PRKG1: variants seen among roughly 807,000 people sequenced by gnomAD.
The protein encoded by PRKG1 is cGMP-dependent protein kinase 1.
In PRKG1, 35 loss-of-function variants were observed where a neutral mutation model predicts 88.1. The observed-to-expected ratio is 0.40, with a 90% CI of 0.30 to 0.53. The LOEUF (loss-of-function observed/expected upper bound fraction) is 0.53, where lower values mean the gene tolerates loss of function less well. Among genes scored for constraint, PRKG1 ranks in the 20% least tolerant of loss-of-function variants. PRKG1 has a pLI of 0.59. For missense variants in PRKG1, 540 were observed against 839.8 expected (o/e 0.64, Z 4.41); for synonymous variants, 303 against 292.5 (o/e 1.04, Z -0.37).
intron 1 of PRKG1, among the ~76,000 whole-genome samples, chr10:51,151,124 C>T: frequency 1.1e-5 from 1 of 93,626 alleles, no homozygotes; most frequent in African/African-American, 4.2e-5. Context: ...TGGCCTCACT[C>T]TCTGACAAAA....
intron 1 of PRKG1, among the ~76,000 whole-genome samples, chr10:51,012,189 T>C (rs554069948): frequency 1.3e-5 from 2 of 152,256 alleles, no homozygotes; most frequent in South Asian, 2.1e-4. Context: ...AAGGAAGACA[T>C]GATTGCAAGT....
intron 2 of PRKG1, among the ~76,000 whole-genome samples, chr10:51,204,129 C>T (rs1837982728): frequency 6.6e-6 from 1 of 152,118 alleles, no homozygotes; most frequent in South Asian, 2.1e-4. Context: ...TTCATTTCCC[C>T]CTCTTTATAA....
At chr10:52,226,057 C>G (rs1215431987) in intron 9 of PRKG1, among the ~76,000 whole-genome samples, 1 of 146,982 alleles carries the variant, frequency 6.8e-6, no homozygotes, top group East Asian at 2.0e-4. Flanking sequence ...CTGTTTTGTC[C>G]ACTGTTCCAT....
At chr10:51,174,817 T>G (rs1837147102) in intron 2 of PRKG1, among the ~76,000 whole-genome samples, 1 of 152,068 alleles carries the variant, frequency 6.6e-6, no homozygotes, top group Non-Finnish European at 1.5e-5. Flanking sequence ...TCTGTTCAGC[T>G]GTGAAATTTC....
intron 2 of PRKG1, among the ~76,000 whole-genome samples, chr10:51,346,131 A>C (rs1842108225): frequency 6.6e-6 from 1 of 152,168 alleles, no homozygotes; most frequent in Admixed American, 6.6e-5. Context: ...GTTTGGTTTA[A>C]ATTAAACCCA....
At chr10:51,795,461 C>T (rs778124087) in intron 3 of PRKG1, among the ~76,000 whole-genome samples, 153 of 152,230 alleles carry the variant, frequency 1.0e-3, no homozygotes, top group Non-Finnish European at 1.7e-3. Context: ...GCAGTGGAGA[C>T]ATTGGCATGC....
Position 50,991,585 on chromosome 10 carries a change from G to C in PRKG1, c.207G>C (p.Gln69His). 6.3e-7 allele frequency: 1 copy of C among 1,598,498 alleles called. No individual in the cohort carries two copies. The highest frequency in any genetic ancestry group is 8.5e-7 in the Non-Finnish European group (1 of 1,173,498). Reference sequence around the variant, plus strand: ...CGCAGGGCATCTCGGCCGAGCCGCAGACGTACAGGTCCTTCCACGACCTCC... The same window carrying C: ...CGCAGGGCATCTCGGCCGAGCCGCACACGTACAGGTCCTTCCACGACCTCC... The change falls in exon 1 of 18, where the codon CAG becomes CAC. Residue 69 changes from glutamine (Q) to histidine (H), a missense_variant. Transcript: ENST00000401604. The surrounding 1 kb of genome is among the most constrained non-coding windows in gnomAD (Gnocchi z 4.5).
intron 1 of PRKG1, among the ~76,000 whole-genome samples, chr10:51,130,504 C>T (rs1159712031): frequency 6.6e-6 from 1 of 152,156 alleles, no homozygotes; most frequent in African/African-American, 2.4e-5. Context: ...TTATAGTTCC[C>T]TGAATACATC....
intron 3 of PRKG1, among the ~76,000 whole-genome samples, chr10:51,496,982 C>T (rs1215093395): frequency 6.6e-6 from 1 of 152,152 alleles, no homozygotes; most frequent in Non-Finnish European, 1.5e-5. Context: ...AGCAAAATGA[C>T]TTCAATAAGT....
intron 2 of PRKG1, among the ~76,000 whole-genome samples, chr10:51,310,940 A>G (rs1841168583): frequency 6.6e-6 from 1 of 152,204 alleles, no homozygotes; most frequent in African/African-American, 2.4e-5. Flanking sequence ...TGGAGTCACA[A>G]ATGGCTTCCC....
chr10:52,261,652 C>T (rs1020880439), intron 10 of PRKG1, among the ~76,000 whole-genome samples: 1 of 152,038 alleles, frequency 6.6e-6, no homozygotes, highest in African/African-American at 2.4e-5. Flanking sequence ...CTTGTGTATC[C>T]TATGAAACAA....
chr10:51,440,252 T>G (rs1281026970), intron 2 of PRKG1, among the ~76,000 whole-genome samples: 1 of 151,904 alleles, frequency 6.6e-6, no homozygotes, highest in African/African-American at 2.4e-5. Flanking sequence ...TATCTGGGTA[T>G]AGTATAAGTA....
chr10:51,318,400 A>G (rs1450820373), intron 2 of PRKG1, among the ~76,000 whole-genome samples: 5 of 152,232 alleles, frequency 3.3e-5, no homozygotes, highest in South Asian at 2.1e-4. Context: ...AACATTCAGC[A>G]TGGTGTCAAA....
At chr10:51,109,463 C>T (rs117314980) in intron 1 of PRKG1, among the ~76,000 whole-genome samples, 2,711 of 151,964 alleles carry the variant, frequency 0.018, 35 homozygotes, top group Middle Eastern at 0.031. Context: ...TTGACAAAAG[C>T]GCAAAGGCAA....
chr10:52,269,425 C>A (rs1841660406), intron 10 of PRKG1, among the ~76,000 whole-genome samples: 1 of 152,034 alleles, frequency 6.6e-6, no homozygotes, highest in Non-Finnish European at 1.5e-5. Flanking sequence ...TTCCCTCTAC[C>A]TGTCATACTG....
At chr10:51,211,970 A>C (rs1363191011) in intron 2 of PRKG1, among the ~76,000 whole-genome samples, 2 of 152,210 alleles carry the variant, frequency 1.3e-5, no homozygotes, top group African/African-American at 2.4e-5. Context: ...AACTACTTTA[A>C]AGTTCATATG....
At chr10:51,039,218 CT>C (rs1190352942) in intron 1 of PRKG1, among the ~76,000 whole-genome samples, 1 of 152,106 alleles carries the variant, frequency 6.6e-6, no homozygotes, top group Non-Finnish European at 1.5e-5. Context: ...TGATGGTTCC[CT>C]TTTCTCCACA....
chr10:51,195,396 A>G (rs1837737463), intron 2 of PRKG1, among the ~76,000 whole-genome samples: 1 of 152,204 alleles, frequency 6.6e-6, no homozygotes, highest in Admixed American at 6.5e-5. Context: ...GCTGTTTAAA[A>G]TAATCAAACA....
At chr10:52,069,890 G>A (rs1751049982) in intron 7 of PRKG1, among the ~76,000 whole-genome samples, 1 of 150,946 alleles carries the variant, frequency 6.6e-6, no homozygotes, top group East Asian at 1.9e-4. Flanking sequence ...TATTGTCATA[G>A]GCATTGCACT....
Sources: allele counts gnomAD v4.1 joint callset (sites outside exome capture counted in the v4.1 genomes callset), GRCh38; gene constraint gnomAD v4.1.1; non-coding constraint Gnocchi (gnomAD v3.1); transcripts MANE v1.5; gene names NCBI Gene and HGNC (gene_info 2026-07-23, HGNC 2026-07-21).